The following IQGAP1 variants were observed in gnomAD, a reference collection of about 807,000 sequenced individuals.
IQGAP1 encodes the protein IQ motif containing GTPase activating protein 1, also known as ras GTPase-activating-like protein IQGAP1.
Under a neutral mutation model 215.6 loss-of-function variants are expected in IQGAP1, and 66 were observed. The ratio of observed to expected loss-of-function variants is 0.31; its 90% CI spans 0.25 to 0.38. IQGAP1 has a LOEUF of 0.38. IQGAP1 is among the 10% of genes least tolerant of loss of function. The pLI, the probability that IQGAP1 is intolerant of heterozygous loss-of-function variation, is 1.00. For missense variants in IQGAP1, 1,712 were observed against 1,997.1 expected, an observed-to-expected ratio of 0.86 and a Z score of 2.72; for synonymous variants, 772 against 728.7, an observed-to-expected ratio of 1.06 and a Z score of -0.96.
chr15:90,477,674 A>G lies in IQGAP1; in HGVS notation c.3114A>G (p.Val1038=). 1.2e-6 allele frequency: 2 copies of G among 1,611,012 alleles called. No homozygotes were observed. The highest frequency in any genetic ancestry group is 1.7e-6 in the Non-Finnish European group (2 of 1,177,176). The change falls in exon 26 of 38, where the codon GTA becomes GTG. Residue 1038 remains valine (V), a synonymous_variant. Transcript: ENST00000268182. ...TALQEEIKSK[V]DQIQEIVTGN... is the part of the protein sequence containing the mutation. ...ATCTGATGTTTTATAGGTCGAAGGTAGATCAGATTCAAGAGATTGTGACAG... is the reference window on the plus strand; with the variant it reads ...ATCTGATGTTTTATAGGTCGAAGGTGGATCAGATTCAAGAGATTGTGACAG...
At chr15:90,463,701 C>T (rs772833435) in intron 15 of IQGAP1, among the ~76,000 whole-genome samples, 3 of 152,204 alleles carry the variant, frequency 2.0e-5, no homozygotes, top group Non-Finnish European at 2.9e-5. Context: ...TCTGTTTACT[C>T]TTTCCCTTTC....
intron 15 of IQGAP1, 87 bp downstream of exon 15, chr15:90,456,402 C>G (rs1965680885): frequency 3.0e-6 from 4 of 1,341,184 alleles, no homozygotes; most frequent in African/African-American, 2.9e-5. Context: ...TTCCTTGATT[C>G]ATTCAGTGAA....
At chr15:90,483,641 T>C in intron 29 of IQGAP1, 48 bp downstream of exon 29, 1 of 1,340,990 alleles carries the variant, frequency 7.5e-7, no homozygotes, top group Non-Finnish European at 1.1e-6. Flanking sequence ...GATGTATTTT[T>C]ATTGTTGAGG....
chr15:90,449,575 C>A lies in IQGAP1; in HGVS notation c.1094C>A (p.Pro365His). The A allele has an allele frequency of 6.2e-7, 1 of 1,612,654 alleles. No homozygotes were observed. The highest frequency in any genetic ancestry group is 8.5e-7 in the Non-Finnish European group (1 of 1,179,428). ...QQKRQSGQTDPLQKEELQSGV... is the reference protein window; with the variant it reads ...QQKRQSGQTDHLQKEELQSGV... Reference sequence around the variant, plus strand: ...TTTGCTCAGAGTGGTCAGACTGACCCCCTGCAGAAGGAGGAGCTGCAGTCT... The same window carrying A: ...TTTGCTCAGAGTGGTCAGACTGACCACCTGCAGAAGGAGGAGCTGCAGTCT... The change falls in exon 11 of 38, where the codon CCC becomes CAC. Residue 365 changes from proline to histidine, a missense_variant. Coordinates refer to ENST00000268182, the MANE Select transcript of IQGAP1 (RefSeq NM_003870.4).
Position 90,455,904 on chromosome 15 carries a change from T to C in IQGAP1, c.1613-248T>C, listed in dbSNP as rs1965673000. Among the ~76,000 whole-genome samples, 7 of 152,208 alleles carry C rather than the reference T, an allele frequency of 4.6e-5. No individual in the cohort carries two copies. In the South Asian group the frequency reaches 1.4e-3, roughly 32 times the overall value. ...GTTTCATAAAAATCCTCATCGCTTTTAAGTTAGAGCAATTAAAAATGAAAC... is the reference window on the plus strand; with the variant it reads ...GTTTCATAAAAATCCTCATCGCTTTCAAGTTAGAGCAATTAAAAATGAAAC... On this transcript the variant is annotated intron_variant, in intron 14 of 37. Coordinates refer to ENST00000268182, the MANE Select transcript of IQGAP1 (RefSeq NM_003870.4).
At chr15:90,440,192 G>A (rs999687399) in intron 6 of IQGAP1, among the ~76,000 whole-genome samples, 4 of 152,196 alleles carry the variant, frequency 2.6e-5, no homozygotes, top group South Asian at 2.1e-4. Context: ...TTGAGCTCAC[G>A]TTAAAGCTGT....
chr15:90,483,207 G>A, intron 28 of IQGAP1, 154 bp from the exon 29 acceptor site: 1 of 605,188 alleles, frequency 1.7e-6, no homozygotes, highest in Non-Finnish European at 3.0e-6. Flanking sequence ...GAGAGAGAGT[G>A]TGTATATGTG....
chr15:90,456,549 G>T (rs1241334305), intron 15 of IQGAP1, among the ~76,000 whole-genome samples: 3 of 151,984 alleles, frequency 2.0e-5, no homozygotes, highest in Non-Finnish European at 4.4e-5. Context: ...ACAGTCTTTT[G>T]TGTCTCTTTC....
rs185597898 is a variant in IQGAP1 at position 90,435,237 on chromosome 15, G to A, written c.467+1442G>A. 2.4e-4 allele frequency among the ~76,000 whole-genome samples: 37 copies of A among 152,304 alleles called. 1 individual carries two copies. The East Asian group carries it at 7.1e-3, about 29-fold the overall frequency. ...CTCACCTGTAATCCCAGTGCTTTGGGAGACCAAGGTGGGAGGATTGCTTGA... is the reference window on the plus strand; with the variant it reads ...CTCACCTGTAATCCCAGTGCTTTGGAAGACCAAGGTGGGAGGATTGCTTGA... On this transcript the variant is annotated intron_variant, in intron 5 of 37. Transcript: ENST00000268182.
rs73474979 is a variant in IQGAP1, at chr15:90,397,395, C to T, written c.155+6522C>T. ...GATTCTGGTTTTGCAAGTTGCTTAA[C>T]GTCAGGGAGTGAGCCCAAATTTGTC... On this transcript the variant is annotated intron_variant, in intron 2 of 37. Coordinates refer to ENST00000268182, the MANE Select transcript of IQGAP1 (RefSeq NM_003870.4). Among the ~76,000 whole-genome samples, 845 of 151,904 alleles carry T rather than the reference C, an allele frequency of 5.6e-3. 10 individuals are homozygous for T. The highest frequency in any genetic ancestry group is 0.02 in the African/African-American group (811 of 41,408).
rs114166316 is a variant in IQGAP1 at position 90,482,975 on chromosome 15, C to T, written c.3556-386C>T. 5.5e-3 allele frequency among the ~76,000 whole-genome samples: 843 copies of T among 152,212 alleles called. 6 individuals carry two copies. Among genetic ancestry groups the T allele is most frequent in the African/African-American group, 0.019 (808 of 41,518 alleles). On this transcript the variant is annotated intron_variant, in intron 28 of 37. Transcript: ENST00000268182. ...TTGTTAGCTTTTTATAAGGAAAGCCCATCTACATGAAAGTACAAAGTGCAT... is the reference window on the plus strand; with the variant it reads ...TTGTTAGCTTTTTATAAGGAAAGCCTATCTACATGAAAGTACAAAGTGCAT...
At chr15:90,395,352 G>C (rs983955945) in intron 2 of IQGAP1, among the ~76,000 whole-genome samples, 2 of 151,336 alleles carry the variant, frequency 1.3e-5, no homozygotes, top group African/African-American at 4.9e-5. Flanking sequence ...ACGGAGTCTC[G>C]CTCTGTCGCC....
At chr15:90,409,596 A>G (rs1424393922) in intron 2 of IQGAP1, among the ~76,000 whole-genome samples, 2 of 152,132 alleles carry the variant, frequency 1.3e-5, no homozygotes, top group Admixed American at 6.5e-5. Context: ...CCTGGCCTCG[A>G]ACTTACGAAC....
chr15:90,454,523 T>A lies in IQGAP1; in HGVS notation c.1583T>A (p.Val528Glu). 1 of 1,599,242 alleles carries A rather than the reference T, an allele frequency of 6.3e-7. No homozygotes were observed. The highest frequency in any genetic ancestry group is 8.5e-7 in the Non-Finnish European group (1 of 1,173,564). ...WNDIQACVDH[V>E]NLVVQEEHER... is the part of the protein sequence containing the mutation. The stretch of plus-strand genomic sequence containing the variant: ...GATATCCAAGCTTGCGTGGACCATG[T>A]GAACCTGGTGGTGCAAGAGGAACAT... Residue 528 changes from valine (V) to glutamate (E), a missense_variant, in exon 14 of 38, where the codon GTG becomes GAG. Val to Glu is a moderately radical substitution (Grantham distance 121, BLOSUM62 -2). Transcript: ENST00000268182.
At chr15:90,490,652 ACAG>A (rs1966190605) in intron 33 of IQGAP1, among the ~76,000 whole-genome samples, 2 of 152,188 alleles carry the variant, frequency 1.3e-5, no homozygotes, top group African/African-American at 4.8e-5. Context: ...TAACATTTAT[ACAG>A]CTATGTTTTT....
chr15:90,432,916 C>T (rs1043229880), intron 4 of IQGAP1, among the ~76,000 whole-genome samples: 1 of 152,058 alleles, frequency 6.6e-6, no homozygotes, highest in African/African-American at 2.4e-5. Flanking sequence ...AAGGCTATTC[C>T]CAGTCTAAAT....
chr15:90,468,176 C>A (rs1965858090), intron 18 of IQGAP1, among the ~76,000 whole-genome samples: 1 of 152,068 alleles, frequency 6.6e-6, no homozygotes, highest in African/African-American at 2.4e-5. Flanking sequence ...TCAAGCGATT[C>A]TTCTGCCTCA....
chr15:90,403,332 C>A (rs554251149), intron 2 of IQGAP1, among the ~76,000 whole-genome samples: 1 of 152,310 alleles, frequency 6.6e-6, no homozygotes, highest in East Asian at 1.9e-4. Flanking sequence ...TAGTGTTTGA[C>A]AATGGCTTGA....
chr15:90,442,431 C>T (rs1312324556), intron 8 of IQGAP1, among the ~76,000 whole-genome samples: 2 of 147,224 alleles, frequency 1.4e-5, no homozygotes, highest in Non-Finnish European at 3.0e-5. Context: ...GGAGACAGGG[C>T]GAGACTCCGT....
Sources: gnomAD v4.1 joint callset for allele counts (sites outside exome capture counted in the v4.1 genomes callset) on GRCh38, gnomAD v4.1.1 for gene constraint, MANE v1.5 for transcripts, NCBI Gene and HGNC (gene_info 2026-07-23, HGNC 2026-07-21) for gene names.